Variants in PCNX2 observed in about 807,000 individuals in gnomAD.
The protein encoded by PCNX2 is pecanex-like protein 2.
PCNX2 carries 168 observed loss-of-function variants against 223.8 expected under a neutral mutation model. That is an observed-to-expected ratio of 0.75 (90% confidence interval 0.66 to 0.85). The LOEUF is 0.85. Among genes scored for constraint, PCNX2 ranks in the 40% least tolerant of loss-of-function variants. PCNX2 has a pLI of 0.00. For missense variants in PCNX2, 2,507 were observed against 2,675.5 expected (o/e 0.94, Z 1.39); for synonymous variants, 1,006 against 1,052.6 (o/e 0.96, Z 0.86).
chr1:233,019,262 C>T (rs1444570189), intron 26 of PCNX2: 16 of 929,916 alleles, frequency 1.7e-5, no homozygotes, highest in South Asian at 1.0e-4. Flanking sequence ...CCTTCTATTA[C>T]GCTCCACAGT....
At chr1:233,159,041 C>G (rs147760680) in intron 19 of PCNX2, among the ~76,000 whole-genome samples, 1 of 152,102 alleles carries the variant, frequency 6.6e-6, no homozygotes, top group East Asian at 1.9e-4. Context: ...CAGTAGTACA[C>G]GGAATTGTAC....
In PCNX2 at chr1:233,258,648, CT is replaced by C. The variant is rs1424545235; in HGVS notation, c.1213del (p.Ser405ValfsTer2). ...AGTGGGCTCAGCGTCAGACTTTACA[CT>C]GGTCTTCTCTGTGCCAACCACCCTC... ...HLRVVGTEKT[S>X]VKSDAEPTNP... On this transcript the variant is annotated frameshift_variant, in exon 5 of 34. Transcript: ENST00000258229. LOFTEE classifies it high-confidence loss of function. 63 of 1,613,882 alleles carry C rather than the reference CT, an allele frequency of 3.9e-5. No individual in the cohort carries two copies. Among genetic ancestry groups the C allele is most frequent in the Non-Finnish European group, 5.0e-5 (59 of 1,179,908 alleles).
chr1:233,285,043 T>G (rs968912482), intron 1 of PCNX2: 1 of 982,814 alleles, frequency 1.0e-6, no homozygotes, highest in African/African-American at 1.7e-5. Context: ...ATGGACCATG[T>G]TGGACATGTA....
chr1:233,047,283 T>G (rs1671855310), intron 25 of PCNX2: 2 of 764,762 alleles, frequency 2.6e-6, no homozygotes, highest in Non-Finnish European at 3.2e-6. Context: ...TGATCTAAGA[T>G]GAGACCAGAA....
intron 25 of PCNX2, among the ~76,000 whole-genome samples, chr1:233,026,869 G>A (rs903721544): frequency 2.0e-5 from 3 of 152,208 alleles, no homozygotes; most frequent in Non-Finnish European, 2.9e-5. Context: ...AGATGTCAGG[G>A]AGGCAGCTGG....
At chr1:233,273,454 T>A (rs747232792) in intron 1 of PCNX2, among the ~76,000 whole-genome samples, 7 of 152,062 alleles carry the variant, frequency 4.6e-5, no homozygotes, top group Admixed American at 6.5e-5. Flanking sequence ...AGTCTGCTAG[T>A]CAGCAACCTA....
intron 10 of PCNX2, among the ~76,000 whole-genome samples, chr1:233,226,221 T>C (rs919465238): frequency 1.3e-5 from 2 of 152,188 alleles, no homozygotes; most frequent in African/African-American, 4.8e-5. Context: ...TAGGAAAAGA[T>C]ACAAATGAGA....
chr1:233,169,880 A>C (rs1033858482), intron 17 of PCNX2, among the ~76,000 whole-genome samples: 5 of 152,032 alleles, frequency 3.3e-5, no homozygotes, highest in Non-Finnish European at 7.4e-5. Context: ...TGCTTGAAAA[A>C]AAAAAATGAT....
intron 15 of PCNX2, among the ~76,000 whole-genome samples, chr1:233,190,411 C>T (rs567917347): frequency 1.2e-4 from 19 of 152,160 alleles, no homozygotes; most frequent in African/African-American, 1.7e-4. Flanking sequence ...ATAGGTGCTG[C>T]ATCTTCAAGT....
intron 1 of PCNX2, 92 bp from the exon 2 acceptor site, chr1:233,263,255 T>C: frequency 3.8e-6 from 4 of 1,052,028 alleles, no homozygotes; most frequent in Non-Finnish European, 5.2e-6. Flanking sequence ...ATCTATTGAA[T>C]ATAAATTAGG....
In PCNX2 at chr1:232,999,379, C is replaced by T. The variant is rs962815358; in HGVS notation, c.5329G>A (p.Val1777Ile). ...AGTCCTCGGACGCATTCTTTGTTAACCTGCAGGTCAGAGAGGGAACGGGAA... is the reference window on the plus strand; with the variant it reads ...AGTCCTCGGACGCATTCTTTGTTAATCTGCAGGTCAGAGAGGGAACGGGAA... ...RSFLSFKVIK[V>I]NKECVRGLWA... The change falls in exon 31 of 34, where the codon GTT becomes ATT. Residue 1777 changes from valine to isoleucine, a missense_variant and splice_region_variant. Around this residue, in one of 3 missense-constraint regions of PCNX2, gnomAD observed 1,372 missense variants for 1,509.4 expected, o/e 0.91. Transcript: ENST00000258229. 2 of 1,589,792 alleles carry T rather than the reference C, an allele frequency of 1.3e-6. No homozygotes were observed. The highest frequency in any genetic ancestry group is 2.3e-5 in the East Asian group (1 of 43,948).
chr1:233,255,923 C>T (rs542484425), intron 5 of PCNX2, among the ~76,000 whole-genome samples: 2 of 152,278 alleles, frequency 1.3e-5, no homozygotes, highest in Admixed American at 6.5e-5. Context: ...TACATGGCAT[C>T]ACTGAAAAAC....
chr1:233,098,761 A>G (rs1045759523), intron 21 of PCNX2, among the ~76,000 whole-genome samples: 1 of 152,204 alleles, frequency 6.6e-6, no homozygotes, highest in Non-Finnish European at 1.5e-5. Context: ...ATTTAAAAGC[A>G]TCAGCTTAAG....
chr1:233,063,842 C>A (rs1212355488), intron 23 of PCNX2, among the ~76,000 whole-genome samples: 1 of 152,096 alleles, frequency 6.6e-6, no homozygotes, highest in Non-Finnish European at 1.5e-5. Context: ...TCTTTCTCTG[C>A]TGCATTCTGG....
chr1:233,268,481 A>G (rs1278832738), intron 1 of PCNX2, among the ~76,000 whole-genome samples: 1 of 152,190 alleles, frequency 6.6e-6, no homozygotes, highest in Non-Finnish European at 1.5e-5. Context: ...TCATAAGGGT[A>G]CTTTATCACT....
At chr1:233,242,609 T>C (rs577170789) in intron 8 of PCNX2, among the ~76,000 whole-genome samples, 1 of 152,348 alleles carries the variant, frequency 6.6e-6, no homozygotes, top group South Asian at 2.1e-4. Flanking sequence ...GATTCATTTA[T>C]ACACAAAGAA....
intron 21 of PCNX2, among the ~76,000 whole-genome samples, chr1:233,132,016 A>C (rs140613843): frequency 0.014 from 2,181 of 151,448 alleles, 27 homozygotes; most frequent in East Asian, 0.051. Context: ...AGCTCACTGC[A>C]ACCTCTTCCT....
chr1:233,068,805 CAG>C (rs1220290683), intron 23 of PCNX2, among the ~76,000 whole-genome samples: 1 of 151,800 alleles, frequency 6.6e-6, no homozygotes, highest in African/African-American at 2.4e-5. Flanking sequence ...AAATTACAAA[CAG>C]AGCAAACAAA....
chr1:233,166,342 G>T (rs894240648), intron 17 of PCNX2, among the ~76,000 whole-genome samples: 6 of 151,998 alleles, frequency 3.9e-5, no homozygotes, highest in African/African-American at 1.5e-4. Flanking sequence ...ATTTGGCAAA[G>T]ATTTCTTAAA....
Sources: gnomAD v4.1 joint callset for allele counts (sites outside exome capture counted in the v4.1 genomes callset) on GRCh38, gnomAD v4.1.1 for gene constraint, gnomAD v4.1.1 regional missense constraint, MANE v1.5 for transcripts, NCBI Gene and HGNC (gene_info 2026-07-23, HGNC 2026-07-21) for gene names.